The following UBE2O variants were observed in gnomAD, a reference collection of about 807,000 sequenced individuals.
UBE2O encodes the protein ubiquitin conjugating enzyme E2 O, also known as (E3-independent) E2 ubiquitin-conjugating enzyme.
Under a neutral mutation model 125.8 loss-of-function variants are expected in UBE2O, and 15 were observed. That is an observed-to-expected ratio of 0.12 (90% CI 0.08 to 0.18). The LOEUF (loss-of-function observed/expected upper bound fraction) is 0.18. Among genes scored for constraint, UBE2O ranks in the 10% least tolerant of loss-of-function variants. The pLI is 1.00. For missense variants in UBE2O, 1,280 were observed against 1,723.6 expected (o/e 0.74, Z 4.56); for synonymous variants, 708 against 703.2 (o/e 1.01, Z -0.11).
chr17:76,402,794 G>T lies in UBE2O; in HGVS notation c.589-95C>A, dbSNP rs2072351941. ...TATGCCCCACCGAAGACAGGATGGG[G>T]GAGGATCTAGACAGCTCACTGACTG... is the stretch of plus-strand genomic sequence containing the variant. On this transcript the variant is annotated intron_variant, in intron 3 of 17. Transcript: ENST00000319380. The surrounding 1 kb of genome is among the most constrained non-coding windows in gnomAD (Gnocchi z 5.4). The T allele has an allele frequency of 9.4e-7, 1 of 1,067,692 alleles. No individual in the cohort carries two copies. The highest frequency in any genetic ancestry group is 1.7e-5 in the Admixed American group (1 of 57,694). The allele number at this position is 1,067,692 out of a possible 1,614,324, so 66.1% of individuals were successfully genotyped here. A position where few individuals can be genotyped will look rare whatever the true frequency, so the allele number is the denominator to read the frequency against.
rs1201808514 is a variant in UBE2O at position 76,396,893 on chromosome 17, G to C, written c.2116-72C>G. Reference sequence around the variant, plus strand: ...TCCCCACCACTAAGGAGGAGCTCTGGGGATCCCTGATCCGCACAGCTGATG... The same window carrying C: ...TCCCCACCACTAAGGAGGAGCTCTGCGGATCCCTGATCCGCACAGCTGATG... On this transcript the variant is annotated intron_variant, in intron 13 of 17. Coordinates refer to ENST00000319380, the MANE Select transcript of UBE2O (RefSeq NM_022066.4). The surrounding 1 kb of genome is among the most constrained non-coding windows in gnomAD (Gnocchi z 6.7). 1.5e-5 allele frequency: 20 copies of C among 1,353,176 alleles called. No individual in the cohort carries two copies. Among genetic ancestry groups the C allele is most frequent in the Non-Finnish European group, 2.0e-5 (20 of 990,626 alleles). 83.8% of individuals were successfully genotyped at this position (1,353,176 alleles called of 1,614,324 possible). A position where few individuals can be genotyped will look rare whatever the true frequency, so the allele number is the denominator to read the frequency against.
Position 76,436,068 on chromosome 17 carries a change from G to A in UBE2O, c.417+16657C>T, listed in dbSNP as rs915637250. 4.6e-5 allele frequency among the ~76,000 whole-genome samples: 7 copies of A among 152,240 alleles called. No individual in the cohort carries two copies. In the South Asian group the frequency reaches 8.3e-4, roughly 18 times the overall value. On this transcript the variant is annotated intron_variant, in intron 1 of 17. Transcript: ENST00000319380. ...ATGAGACTAGCCTGGGCAACATGGC[G>A]AAAGCCTGTCTCTACTAAAATACAA...
At chr17:76,403,803 T>C (rs66597649) in intron 3 of UBE2O, among the ~76,000 whole-genome samples, 48,984 of 151,706 alleles carry the variant, frequency 0.32, 9,230 homozygotes, top group African/African-American at 0.51. Flanking sequence ...AAGTACAAGA[T>C]GAGCCTGGCA....
chr17:76,444,373 G>A (rs1195725168), intron 1 of UBE2O, among the ~76,000 whole-genome samples: 1 of 152,166 alleles, frequency 6.6e-6, no homozygotes, highest in African/African-American at 2.4e-5. Context: ...ATACCATGGT[G>A]AGACCCTGTT....
At position 76,396,019 on chromosome 17, in the gene UBE2O, T is replaced by C. The variant is rs2072201535; in HGVS notation, c.2809+109A>G. The C allele has an allele frequency of 1.2e-5, 18 of 1,475,106 alleles. No homozygotes were observed. Among genetic ancestry groups the C allele is most frequent in the Non-Finnish European group, 1.6e-5 (17 of 1,080,886 alleles). 91.4% of individuals were successfully genotyped at this position (1,475,106 alleles called of 1,614,324 possible). ...AGGGAAATGGTTTGCCCTGGGGCAG[T>C]AGCTGGGGTCTGGCGAGGGGACTAA... is the stretch of plus-strand genomic sequence containing the variant. On this transcript the variant is annotated intron_variant, in intron 14 of 17. Coordinates refer to ENST00000319380, the MANE Select transcript of UBE2O (RefSeq NM_022066.4). This position sits in a 1 kb window ranked among gnomAD's most constrained non-coding sequence, Gnocchi z 6.7.
At chr17:76,445,360 T>A (rs1218519347) in intron 1 of UBE2O, among the ~76,000 whole-genome samples, 1 of 152,184 alleles carries the variant, frequency 6.6e-6, no homozygotes, top group Non-Finnish European at 1.5e-5. Context: ...CTTACTCCTT[T>A]GACTTAGCTG....
chr17:76,411,951 G>A (rs951936289), intron 1 of UBE2O, among the ~76,000 whole-genome samples: 2 of 152,144 alleles, frequency 1.3e-5, no homozygotes, highest in African/African-American at 2.4e-5. Flanking sequence ...CCAAAGTGCT[G>A]GGATTACAGG....
intron 15 of UBE2O, among the ~76,000 whole-genome samples, chr17:76,393,066 C>T (rs1352889713): frequency 6.6e-6 from 1 of 151,814 alleles, no homozygotes; most frequent in African/African-American, 2.4e-5. Flanking sequence ...CAAAACCAAC[C>T]TGGGCAACAT....
At chr17:76,423,452 G>C (rs368400268) in intron 1 of UBE2O, among the ~76,000 whole-genome samples, 1 of 151,748 alleles carries the variant, frequency 6.6e-6, no homozygotes, top group East Asian at 1.9e-4. Flanking sequence ...CCAGCACTTC[G>C]GGAGGCCGAG....
Position 76,402,704 on chromosome 17 carries a change from AG to A in UBE2O, c.589-6del. 1.2e-6 allele frequency: 2 copies of A among 1,613,086 alleles called. No homozygotes were observed. Among genetic ancestry groups the A allele is most frequent in the Non-Finnish European group, 1.7e-6 (2 of 1,179,044 alleles). ...GTAGTCCCCATACATGAAGGGCTGC[AG>A]ACCAAGGAGGCAGGGGCAGTGAGAC... is the stretch of plus-strand genomic sequence containing the variant. On this transcript the variant is annotated splice_region_variant and splice_polypyrimidine_tract_variant and intron_variant, in intron 3 of 17. Coordinates refer to ENST00000319380, the MANE Select transcript of UBE2O (RefSeq NM_022066.4). The surrounding 1 kb of genome is among the most constrained non-coding windows in gnomAD (Gnocchi z 5.4).
chr17:76,435,447 CACACACACAA>C (rs1290138271), intron 1 of UBE2O, among the ~76,000 whole-genome samples: 7 of 144,508 alleles, frequency 4.8e-5, no homozygotes, highest in African/African-American at 1.5e-4. Flanking sequence ...CACACACACA[CACACACACAA>C]AGATTAAGAT....
In UBE2O at chr17:76,391,156, G is replaced by A. The variant is rs2072105270; in HGVS notation, c.3666C>T (p.Thr1222=). ...SRDHTDQTSE[T]APDASVPPSV... ...TGGGTGGCACCGATGCGTCTGGTGC[G>A]GTCTCCGAAGTCTGGTCTGTGTGGT... The change falls in exon 18 of 18, where the codon ACC becomes ACT. Residue 1222 remains threonine, a synonymous_variant. Coordinates refer to ENST00000319380, the MANE Select transcript of UBE2O (RefSeq NM_022066.4). This position sits in a 1 kb window ranked among gnomAD's most constrained non-coding sequence, Gnocchi z 8.4. 4.3e-6 allele frequency: 7 copies of A among 1,613,626 alleles called. No homozygotes were observed. Among genetic ancestry groups the A allele is most frequent in the Non-Finnish European group, 5.9e-6 (7 of 1,179,766 alleles).
chr17:76,399,106 T>C lies in UBE2O; in HGVS notation c.1629-115A>G. The C allele has an allele frequency of 7.3e-7, 1 of 1,376,148 alleles. No homozygotes were observed. The highest frequency in any genetic ancestry group is 2.6e-4 in the Middle Eastern group (1 of 3,836). 85.2% of individuals were successfully genotyped at this position (1,376,148 alleles called of 1,614,324 possible). A position where few individuals can be genotyped will look rare whatever the true frequency, so the allele number is the denominator to read the frequency against. On this transcript the variant is annotated intron_variant, in intron 9 of 17. Coordinates refer to ENST00000319380, the MANE Select transcript of UBE2O (RefSeq NM_022066.4). The surrounding 1 kb of genome is among the most constrained non-coding windows in gnomAD (Gnocchi z 6.9). ...GGGCTTGGTAACCTGAAACTCTGAA[T>C]CCCAGGTTGGCAGGATGAGTCTCTG...
At chr17:76,443,259 AC>A (rs1291969671) in intron 1 of UBE2O, among the ~76,000 whole-genome samples, 4 of 152,120 alleles carry the variant, frequency 2.6e-5, no homozygotes, top group Non-Finnish European at 4.4e-5. Context: ...TGGGTTCAGA[AC>A]CAAAAACAAA....
Position 76,452,987 on chromosome 17 carries a change from G to A in UBE2O, c.155C>T (p.Pro52Leu). The change falls in exon 1 of 18, where the codon CCA becomes CTA. Residue 52 changes from proline to leucine, a missense_variant. By Grantham distance (98) the Pro-to-Leu change is moderately conservative (BLOSUM62 -3). Transcript: ENST00000319380. This position sits in a 1 kb window ranked among gnomAD's most constrained non-coding sequence, Gnocchi z 4.4. ...CAGCAGGCGCTGCGAGCCGGCTTCT[G>A]GGCCGGAGTCCGAGGACGGCCCGGA... ...SASGPSSDSG[P>L]EAGSQRLLFS... The A allele has an allele frequency of 6.7e-7, 1 of 1,492,636 alleles. No individual in the cohort carries two copies. The highest frequency in any genetic ancestry group is 8.9e-7 in the Non-Finnish European group (1 of 1,121,262). 92.5% of individuals were successfully genotyped at this position (1,492,636 alleles called of 1,614,324 possible).
chr17:76,433,910 C>G (rs67873924), intron 1 of UBE2O, among the ~76,000 whole-genome samples: 12,567 of 152,242 alleles, frequency 0.083, 712 homozygotes, highest in Non-Finnish European at 0.12. Flanking sequence ...TGCGCGCCTA[C>G]AGGCCCAGCT....
At chr17:76,411,359 C>A (rs978481171) in intron 1 of UBE2O, among the ~76,000 whole-genome samples, 1 of 152,210 alleles carries the variant, frequency 6.6e-6, no homozygotes, top group African/African-American at 2.4e-5. Context: ...GAGCGGATGG[C>A]TCCTAAAGGC....
intron 1 of UBE2O, among the ~76,000 whole-genome samples, chr17:76,431,601 T>TCTC (rs1460102860): frequency 6.6e-6 from 1 of 152,058 alleles, no homozygotes; most frequent in Non-Finnish European, 1.5e-5. Flanking sequence ...TTTGATGGAC[T>TCTC]CTCCTCATGT....
In UBE2O at chr17:76,452,686, C is replaced by T. The variant is rs766428225; in HGVS notation, c.417+39G>A. 3.0e-6 allele frequency: 4 copies of T among 1,348,406 alleles called. No homozygotes were observed. The highest frequency in any genetic ancestry group is 3.8e-6 in the Non-Finnish European group (4 of 1,060,740). The allele number at this position is 1,348,406 out of a possible 1,614,324, so 83.5% of individuals were successfully genotyped here. On this transcript the variant is annotated intron_variant, in intron 1 of 17. Coordinates refer to ENST00000319380, the MANE Select transcript of UBE2O (RefSeq NM_022066.4). The surrounding 1 kb of genome is among the most constrained non-coding windows in gnomAD (Gnocchi z 4.4). ...CCCTGGCCTCGGCCCGGCCGCCGACCCCCTGCCGCCCGCGCCGCCCAGCCC... is the reference window on the plus strand; with the variant it reads ...CCCTGGCCTCGGCCCGGCCGCCGACTCCCTGCCGCCCGCGCCGCCCAGCCC...
Sources: allele counts gnomAD v4.1 joint callset (sites outside exome capture counted in the v4.1 genomes callset), GRCh38; gene constraint gnomAD v4.1.1; non-coding constraint Gnocchi (gnomAD v3.1); transcripts MANE v1.5; gene names NCBI Gene and HGNC (gene_info 2026-07-23, HGNC 2026-07-21).